Variants in DAB1 observed in about 807,000 individuals in gnomAD.
DAB1 encodes disabled homolog 1.
A neutral mutation model predicts 64.6 loss-of-function variants in DAB1; 15 were observed. That is an observed-to-expected ratio of 0.23 (90% CI 0.16 to 0.36). DAB1 has a LOEUF of 0.36. Among genes scored for constraint, DAB1 ranks in the 10% least tolerant of loss-of-function variants. DAB1 has a pLI of 1.00. For missense variants in DAB1, 596 were observed against 706.7 expected, an observed-to-expected ratio of 0.84 and a Z score of 1.78; for synonymous variants, 235 against 251.9, an observed-to-expected ratio of 0.93 and a Z score of 0.64.
intron 7 of DAB1, among the ~76,000 whole-genome samples, chr1:57,564,617 C>T (rs1028253283): frequency 1.3e-5 from 2 of 152,102 alleles, no homozygotes; most frequent in South Asian, 2.1e-4. Context: ...AACCATGGCA[C>T]GAGAACTACC....
chr1:57,211,247 T>G (rs942297951), intron 2 of DAB1, among the ~76,000 whole-genome samples: 11 of 152,164 alleles, frequency 7.2e-5, no homozygotes, highest in African/African-American at 2.7e-4. Flanking sequence ...GAAGATCTTT[T>G]GGAGGAAACA....
intron 5 of DAB1, among the ~76,000 whole-genome samples, chr1:58,008,229 T>G (rs1158161687): frequency 6.6e-6 from 1 of 152,196 alleles, no homozygotes; most frequent in Admixed American, 6.5e-5. Flanking sequence ...ATATTGGAGC[T>G]GGGATTCAAA....
chr1:57,331,296 C>T (rs999753739), intron 1 of DAB1, among the ~76,000 whole-genome samples: 2 of 152,186 alleles, frequency 1.3e-5, no homozygotes, highest in Non-Finnish European at 1.5e-5. Flanking sequence ...TTCATGAGGG[C>T]TCTCATGTTT....
chr1:58,307,755 T>A (rs1251274487), intron 4 of DAB1, among the ~76,000 whole-genome samples: 7 of 146,448 alleles, frequency 4.8e-5, no homozygotes, highest in Non-Finnish European at 1.0e-4. Context: ...GGGGGTGAAG[T>A]GAGTGCTGTG....
At chr1:57,108,444 C>A (rs1420012668) in intron 4 of DAB1, among the ~76,000 whole-genome samples, 1 of 152,212 alleles carries the variant, frequency 6.6e-6, no homozygotes, top group East Asian at 1.9e-4. Flanking sequence ...CTGCACGTCA[C>A]TATCCTGAAC....
chr1:57,551,271 C>T (rs969475374), intron 7 of DAB1, among the ~76,000 whole-genome samples: 2 of 152,172 alleles, frequency 1.3e-5, no homozygotes, highest in Non-Finnish European at 2.9e-5. Flanking sequence ...TAGGGAACAT[C>T]CCATTCTTAT....
chr1:57,745,631 T>C (rs72664618), intron 6 of DAB1, among the ~76,000 whole-genome samples: 8,602 of 152,284 alleles, frequency 0.056, 272 homozygotes, highest in Middle Eastern at 0.099. Context: ...TTTAAGTTTT[T>C]GAGACATTTA....
At chr1:57,291,615 G>A (rs921026975) in intron 1 of DAB1, among the ~76,000 whole-genome samples, 2 of 152,138 alleles carry the variant, frequency 1.3e-5, no homozygotes, top group African/African-American at 4.8e-5. Context: ...CTCACTGGCA[G>A]GCATCAGAGG....
chr1:58,207,471 T>C (rs529867048), intron 4 of DAB1, among the ~76,000 whole-genome samples: 1 of 152,336 alleles, frequency 6.6e-6, no homozygotes, highest in African/African-American at 2.4e-5. Context: ...AGCAAGTTGC[T>C]GCTTAGAAAG....
At chr1:58,002,665 G>C (rs1039490571) in intron 5 of DAB1, among the ~76,000 whole-genome samples, 3 of 151,966 alleles carry the variant, frequency 2.0e-5, no homozygotes, top group African/African-American at 7.3e-5. Context: ...TTAACACAAG[G>C]TGTATATATA....
intron 4 of DAB1, among the ~76,000 whole-genome samples, chr1:58,230,043 A>C (rs1659701787): frequency 6.6e-6 from 1 of 152,132 alleles, no homozygotes. Context: ...TAACCCCTAC[A>C]TCACGCCATT....
intron 4 of DAB1, among the ~76,000 whole-genome samples, chr1:58,273,611 A>T (rs1032641744): frequency 4.1e-5 from 2 of 49,110 alleles, no homozygotes; most frequent in African/African-American, 1.3e-4. Flanking sequence ...GTGTTTTCCA[A>T]CTTGGTTCCA....
intron 3 of DAB1, among the ~76,000 whole-genome samples, chr1:58,350,691 C>T (rs1400006735): frequency 6.6e-6 from 1 of 152,082 alleles, no homozygotes; most frequent in Non-Finnish European, 1.5e-5. Flanking sequence ...GCCAGTTTTC[C>T]CAACCCATTT....
chr1:57,308,466 C>T (rs1674387986), intron 1 of DAB1, among the ~76,000 whole-genome samples: 1 of 152,108 alleles, frequency 6.6e-6, no homozygotes, highest in Non-Finnish European at 1.5e-5. Flanking sequence ...AAGCTGTGAA[C>T]ACTTTCCCAA....
chr1:57,871,268 G>A (rs558157946), intron 1 of DAB1, among the ~76,000 whole-genome samples: 1,427 of 141,752 alleles, frequency 0.01, 12 homozygotes, highest in Non-Finnish European at 0.017. Context: ...TATCTAAGAG[G>A]TATAACTATC....
chr1:58,423,117 A>G (rs989806968), intron 3 of DAB1, among the ~76,000 whole-genome samples: 25 of 152,224 alleles, frequency 1.6e-4, no homozygotes, highest in African/African-American at 6.0e-4. Flanking sequence ...TGTGATGTGC[A>G]CTACTAGTCA....
intron 5 of DAB1, among the ~76,000 whole-genome samples, chr1:57,891,428 A>G (rs548733882): frequency 6.6e-6 from 1 of 152,184 alleles, no homozygotes; most frequent in Non-Finnish European, 1.5e-5. Flanking sequence ...AATTAGTTCA[A>G]CCATTGTGGA....
intron 3 of DAB1, among the ~76,000 whole-genome samples, chr1:58,413,229 C>T (rs1040547722): frequency 1.3e-5 from 2 of 152,184 alleles, no homozygotes; most frequent in Admixed American, 6.5e-5. Flanking sequence ...GGTCTGAAGA[C>T]GAACAGGGTC....
chr1:58,174,375 A>G (rs952485024), intron 4 of DAB1, among the ~76,000 whole-genome samples: 1 of 152,170 alleles, frequency 6.6e-6, no homozygotes, highest in African/African-American at 2.4e-5. Context: ...GATCAAGGCC[A>G]TCAAGCTACA....
Sources: gnomAD v4.1 joint callset for allele counts (sites outside exome capture counted in the v4.1 genomes callset) on GRCh38, gnomAD v4.1.1 for gene constraint, MANE v1.5 for transcripts, NCBI Gene and HGNC (gene_info 2026-07-23, HGNC 2026-07-21) for gene names.